ZNHIT6: variants seen among roughly 807,000 people sequenced by gnomAD.
The protein encoded by ZNHIT6 is zinc finger HIT-type containing 6.
A neutral mutation model predicts 57.2 loss-of-function variants in ZNHIT6; 45 were observed. That is an observed-to-expected ratio of 0.79 (90% CI 0.62 to 1.01). The LOEUF is 1.01. Among genes scored for constraint, ZNHIT6 ranks in the 50% least tolerant of loss-of-function variants. ZNHIT6 has a pLI of 0.00. For missense variants in ZNHIT6, 528 were observed against 567.3 expected, an observed-to-expected ratio of 0.93 and a Z score of 0.70; for synonymous variants, 188 against 190.0, an observed-to-expected ratio of 0.99 and a Z score of 0.09.
At chr1:85,673,707 C>A (rs1170009585) in intron 8 of ZNHIT6, among the ~76,000 whole-genome samples, 1 of 151,398 alleles carries the variant, frequency 6.6e-6, no homozygotes, top group Non-Finnish European at 1.5e-5. Flanking sequence ...CATTTATAAC[C>A]TATAATAATT....
chr1:85,700,467 C>T (rs1376986742), intron 5 of ZNHIT6, among the ~76,000 whole-genome samples: 1 of 151,816 alleles, frequency 6.6e-6, no homozygotes, highest in South Asian at 2.1e-4. Flanking sequence ...TTTCAGAGAC[C>T]CGGGGAGTTT....
intron 8 of ZNHIT6, among the ~76,000 whole-genome samples, chr1:85,670,507 G>T (rs1661530163): frequency 6.6e-6 from 1 of 152,170 alleles, no homozygotes; most frequent in East Asian, 1.9e-4. Context: ...AACACTTACT[G>T]TGGAAAAGTC....
chr1:85,703,334 AC>A (rs1662588460), intron 4 of ZNHIT6, among the ~76,000 whole-genome samples: 1 of 152,160 alleles, frequency 6.6e-6, no homozygotes. Context: ...TGAAAACAGC[AC>A]TGAATAGCCA....
At chr1:85,665,713 C>T (rs1375761562) in intron 8 of ZNHIT6, among the ~76,000 whole-genome samples, 4 of 152,108 alleles carry the variant, frequency 2.6e-5, no homozygotes, top group Non-Finnish European at 4.4e-5. Context: ...TCCTTTGAAG[C>T]TAAAACTGAA....
At chr1:85,687,299 C>CAAAAAAAAAAAAAAAAAAAAA (rs55889012) in intron 5 of ZNHIT6, among the ~76,000 whole-genome samples, 1 of 77,934 alleles carries the variant, frequency 1.3e-5, no homozygotes, top group Non-Finnish European at 2.3e-5. Context: ...AAAAAAAAAA[C>CAAAAAAAAAAAAAAAAAAAAA]AAAAAAAAAA....
chr1:85,693,887 G>A (rs998982836), intron 5 of ZNHIT6, among the ~76,000 whole-genome samples: 1 of 152,224 alleles, frequency 6.6e-6, no homozygotes, highest in Non-Finnish European at 1.5e-5. Context: ...GGGAAGCCGA[G>A]GTGGGAGGAC....
intron 5 of ZNHIT6, among the ~76,000 whole-genome samples, chr1:85,689,241 T>C (rs1338861181): frequency 6.6e-6 from 1 of 152,170 alleles, no homozygotes; most frequent in Admixed American, 6.5e-5. Flanking sequence ...ACAAAATCTA[T>C]AAAATACCTA....
At chr1:85,703,695 A>T (rs1278520813) in intron 4 of ZNHIT6, among the ~76,000 whole-genome samples, 1 of 152,218 alleles carries the variant, frequency 6.6e-6, no homozygotes, top group African/African-American at 2.4e-5. Context: ...ATAACTATAA[A>T]AGAATAACTT....
At chr1:85,678,356 T>A (rs1486205493) in intron 7 of ZNHIT6, among the ~76,000 whole-genome samples, 1 of 152,196 alleles carries the variant, frequency 6.6e-6, no homozygotes, top group Non-Finnish European at 1.5e-5. Flanking sequence ...ACTGCCTGGG[T>A]GTGAATCCTA....
chr1:85,670,435 A>T (rs1311397809), intron 8 of ZNHIT6, among the ~76,000 whole-genome samples: 2 of 152,182 alleles, frequency 1.3e-5, no homozygotes, highest in Non-Finnish European at 2.9e-5. Flanking sequence ...GCATATATAC[A>T]TATATATACA....
chr1:85,666,978 A>T (rs1329198564), intron 8 of ZNHIT6, among the ~76,000 whole-genome samples: 1 of 152,232 alleles, frequency 6.6e-6, no homozygotes, highest in Non-Finnish European at 1.5e-5. Context: ...TTCTGAACAC[A>T]TACTCATCTT....
intron 5 of ZNHIT6, among the ~76,000 whole-genome samples, chr1:85,687,288 C>CAAAAAAAAAAAAAAAAAA (rs1358501791): frequency 2.7e-5 from 2 of 75,244 alleles, no homozygotes; most frequent in Non-Finnish European, 4.6e-5. Flanking sequence ...TCTCAAAAAA[C>CAAAAAAAAAAAAAAAAAA]AAAAAAAAAA....
intron 5 of ZNHIT6, among the ~76,000 whole-genome samples, chr1:85,687,311 A>AAAAAAAAAAAAT (rs1557861264): frequency 1.4e-5 from 2 of 142,368 alleles, no homozygotes; most frequent in Admixed American, 7.2e-5. Flanking sequence ...AAAAAAAAAA[A>AAAAAAAAAAAAT]CAATTTAGAA....
rs1557879015 is a variant in ZNHIT6, at chr1:85,706,179, C to G, written c.830-16G>C. Reference sequence around the variant, plus strand: ...AATCGATAATCTAAAAATTTCAAAACAGAAGAATAAACAAGTGACATATAC... The same window carrying G: ...AATCGATAATCTAAAAATTTCAAAAGAGAAGAATAAACAAGTGACATATAC... On this transcript the variant is annotated splice_polypyrimidine_tract_variant and intron_variant, in intron 3 of 9. Transcript: ENST00000370574. 6.2e-7 allele frequency: 1 copy of G among 1,612,418 alleles called. No homozygotes were observed. Among genetic ancestry groups the G allele is most frequent in the Non-Finnish European group, 8.5e-7 (1 of 1,179,128 alleles).
chr1:85,669,672 G>T (rs1661496421), intron 8 of ZNHIT6, among the ~76,000 whole-genome samples: 1 of 152,116 alleles, frequency 6.6e-6, no homozygotes, highest in African/African-American at 2.4e-5. Context: ...GGCTTTACAA[G>T]AAAAATTCTG....
intron 6 of ZNHIT6, among the ~76,000 whole-genome samples, chr1:85,679,793 CA>C (rs1208031184): frequency 1.3e-5 from 2 of 152,096 alleles, no homozygotes; most frequent in African/African-American, 4.8e-5. Flanking sequence ...CCATGTTGGC[CA>C]AGCTGGTCTC....
chr1:85,680,161 G>A (rs974779939), intron 6 of ZNHIT6, among the ~76,000 whole-genome samples: 5 of 152,114 alleles, frequency 3.3e-5, no homozygotes, highest in South Asian at 2.1e-4. Context: ...GCGGAGGTCC[G>A]CACCACTGCA....
chr1:85,704,305 T>C (rs1374346899), intron 4 of ZNHIT6, among the ~76,000 whole-genome samples: 1 of 152,200 alleles, frequency 6.6e-6, no homozygotes, highest in Non-Finnish European at 1.5e-5. Context: ...ACACACATAC[T>C]ATAATTCATA....
At chr1:85,706,401 G>A (rs1305949529) in intron 2 of ZNHIT6, 41 bp downstream of exon 2, 2 of 1,613,358 alleles carry the variant, frequency 1.2e-6, no homozygotes, top group African/African-American at 2.7e-5. Flanking sequence ...GGGTAAGAAA[G>A]GTACAGATAC....
Sources: allele counts gnomAD v4.1 joint callset (sites outside exome capture counted in the v4.1 genomes callset), GRCh38; gene constraint gnomAD v4.1.1; transcripts MANE v1.5; gene names NCBI Gene and HGNC (gene_info 2026-07-23, HGNC 2026-07-21).